TRIM14: variants seen among roughly 807,000 people sequenced by gnomAD.
TRIM14 encodes the protein tripartite motif-containing protein 14.
Under a neutral mutation model 44.5 loss-of-function variants are expected in TRIM14, and 28 were observed. The ratio of observed to expected loss-of-function variants is 0.63; its 90% CI spans 0.47 to 0.86. TRIM14 has a LOEUF of 0.86. TRIM14 is among the 40% of genes least tolerant of loss of function. TRIM14 has a pLI of 0.00. For missense variants in TRIM14, 607 were observed against 611.1 expected (o/e 0.99, Z 0.07); for synonymous variants, 299 against 269.2 (o/e 1.11, Z -1.08).
At chr9:98,040,818 G>C in the TRIM14 span, among the ~76,000 whole-genome samples, 2 of 152,008 alleles carry the variant, frequency 1.3e-5, no homozygotes, top group African/African-American at 4.8e-5. Context: ...CATCACGCCC[G>C]GCTAATTTTT....
chr9:98,075,949 G>C (rs1829571510), intron 6 of TRIM14: 1 of 152,172 alleles, frequency 6.6e-6, no homozygotes, highest in South Asian at 2.1e-4. Context: ...CCTTCAGCAA[G>C]CATTTGCTGA....
chr9:98,117,195 G>A (rs1277923154), intron 1 of TRIM14, among the ~76,000 whole-genome samples: 1 of 152,154 alleles, frequency 6.6e-6, no homozygotes, highest in Non-Finnish European at 1.5e-5. Flanking sequence ...TTTAAAGAAG[G>A]CTTGGGATTT....
At chr9:98,094,814 C>G in intron 4 of TRIM14, 53 bp downstream of exon 4, 1 of 1,581,136 alleles carries the variant, frequency 6.3e-7, no homozygotes, top group Non-Finnish European at 8.6e-7. Context: ...CGTCTCTGGG[C>G]TAAAGGACAC....
At chr9:98,061,061 T>A in the TRIM14 span, 1 of 1,540,602 alleles carries the variant, frequency 6.5e-7, no homozygotes, top group Non-Finnish European at 9.0e-7. Context: ...GGCAGCCTGG[T>A]GACTTCCGGC....
At chr9:98,092,501 C>A in intron 4 of TRIM14, 1 of 428,728 alleles carries the variant, frequency 2.3e-6, no homozygotes, top group Non-Finnish European at 4.7e-6. Flanking sequence ...TCAGCACCTC[C>A]GCAGAAGTGC....
the TRIM14 span, among the ~76,000 whole-genome samples, chr9:98,062,083 G>T: frequency 6.6e-6 from 1 of 151,924 alleles, no homozygotes; most frequent in African/African-American, 2.4e-5. Context: ...TTAGCCAGGC[G>T]TGGTGGCGTA....
intron 1 of TRIM14, among the ~76,000 whole-genome samples, chr9:98,111,292 G>A (rs1177088865): frequency 6.6e-6 from 1 of 152,176 alleles, no homozygotes; most frequent in African/African-American, 2.4e-5. Flanking sequence ...AAATTCAAGA[G>A]CTGAGCATGG....
downstream of TRIM14, among the ~76,000 whole-genome samples, chr9:98,067,543 T>C (rs1829184284): frequency 6.6e-6 from 1 of 152,264 alleles, no homozygotes. Flanking sequence ...AGAATGTCTA[T>C]TCAGATCCTT....
the TRIM14 span, among the ~76,000 whole-genome samples, chr9:98,037,007 G>A: frequency 6.6e-6 from 1 of 152,024 alleles, no homozygotes; most frequent in Non-Finnish European, 1.5e-5. Context: ...TACTCCAAAT[G>A]GTTCCTTAAC....
intron 5 of TRIM14, among the ~76,000 whole-genome samples, chr9:98,088,396 C>G (rs1185910204): frequency 6.6e-6 from 1 of 151,634 alleles, no homozygotes; most frequent in Non-Finnish European, 1.5e-5. Flanking sequence ...GCTCTGTTGC[C>G]CAGGCTGGAG....
intron 2 of TRIM14, among the ~76,000 whole-genome samples, chr9:98,108,879 CT>C (rs5899334): frequency 2.1e-3 from 248 of 120,204 alleles, no homozygotes; most frequent in South Asian, 3.8e-3. Flanking sequence ...TCAGGGGTTC[CT>C]TTTTTTTTTT....
intron 6 of TRIM14, among the ~76,000 whole-genome samples, chr9:98,077,183 G>T (rs1431085447): frequency 1.3e-5 from 2 of 151,922 alleles, no homozygotes; most frequent in Non-Finnish European, 1.5e-5. Context: ...GGTTGGTCTT[G>T]AACTCCTGGC....
At chr9:98,059,459 G>A in the TRIM14 span, among the ~76,000 whole-genome samples, 1 of 152,166 alleles carries the variant, frequency 6.6e-6, no homozygotes, top group South Asian at 2.1e-4. Context: ...CTGTTGCTCA[G>A]GCTGGAGTGC....
rs565678968 is a variant in TRIM14 at position 98,069,756 on chromosome 9, G to A, written c.*29-69C>T. 3 of 152,446 alleles carry A rather than the reference G, an allele frequency of 2.0e-5. No homozygotes were observed. In the East Asian group the frequency reaches 5.8e-4, roughly 29 times the overall value. The allele number at this position is 152,446 out of a possible 1,614,324, so 9.4% of individuals were successfully genotyped here. ...TGCCAAAGGTTAGTAAGGGGAAGGG[G>A]ATGTGGTTATAAAGGGGTGACATGA... On this transcript the variant is annotated intron_variant, in intron 6 of 6. Coordinates refer to the TRIM14 transcript ENST00000375098.
chr9:98,042,555 G>A, the TRIM14 span, among the ~76,000 whole-genome samples: 1 of 152,032 alleles, frequency 6.6e-6, no homozygotes, highest in Non-Finnish European at 1.5e-5. Context: ...TACCTATAAT[G>A]TTAAAGTCAG....
chr9:98,118,933 C>A, intron 1 of TRIM14, 49 bp downstream of exon 1: 1 of 1,448,578 alleles, frequency 6.9e-7, no homozygotes, highest in Non-Finnish European at 9.0e-7. Context: ...TATGCCTGGG[C>A]TGGCTCCCCC....
In TRIM14 at chr9:98,086,733, TAAG is replaced by T. The variant is rs1015675280; in HGVS notation, c.*734_*736del. ...GACACATTTCTGACTGGAGAGTCTC[TAAG>T]AAGAGTGGTAGGAGCTAGGTGAGGA... On this transcript the variant is annotated 3_prime_UTR_variant, in exon 6 of 6. Transcript: ENST00000341469. 2.6e-5 allele frequency: 4 copies of T among 152,324 alleles called. No homozygotes were observed. The highest frequency in any genetic ancestry group is 9.7e-5 in the African/African-American group (4 of 41,412). 9.4% of individuals were successfully genotyped at this position (152,324 alleles called of 1,614,324 possible). A position where few individuals can be genotyped will look rare whatever the true frequency, so the allele number is the denominator to read the frequency against.
At chr9:98,041,568 T>C in the TRIM14 span, among the ~76,000 whole-genome samples, 10 of 152,170 alleles carry the variant, frequency 6.6e-5, no homozygotes, top group Non-Finnish European at 1.3e-4. Flanking sequence ...CTTGGCTCAC[T>C]GTAACCTCCG....
At chr9:98,118,140 G>C (rs1266469993) in intron 1 of TRIM14, among the ~76,000 whole-genome samples, 1 of 152,138 alleles carries the variant, frequency 6.6e-6, no homozygotes, top group African/African-American at 2.4e-5. Flanking sequence ...AGGATCAACA[G>C]CTGTCAGACA....
Sources: gnomAD v4.1 joint callset for allele counts (sites outside exome capture counted in the v4.1 genomes callset) on GRCh38, gnomAD v4.1.1 for gene constraint, MANE v1.5 for transcripts, NCBI Gene and HGNC (gene_info 2026-07-23, HGNC 2026-07-21) for gene names.